CALN1: variants seen among roughly 807,000 people sequenced by gnomAD.
CALN1 encodes the protein calneuron 1, also known as calcium-binding protein 8.
In CALN1, 17 loss-of-function variants were observed where a neutral mutation model predicts 30.6. The observed-to-expected ratio is 0.56, with a 90% CI of 0.38 to 0.83. The LOEUF (loss-of-function observed/expected upper bound fraction) is 0.83. Ranked by LOEUF, CALN1 falls within the 40% of genes least tolerant of loss-of-function variation. The probability of loss-of-function intolerance (pLI) is 0.00; values close to 1 mark genes in which losing one functional copy is unlikely to be tolerated. For missense variants in CALN1, 291 were observed against 354.9 expected, an observed-to-expected ratio of 0.82 and a Z score of 1.45; for synonymous variants, 156 against 131.4, an observed-to-expected ratio of 1.19 and a Z score of -1.28.
intron 4 of CALN1, among the ~76,000 whole-genome samples, chr7:72,035,841 C>T (rs1171443105): frequency 2.0e-5 from 3 of 152,178 alleles, no homozygotes; most frequent in Non-Finnish European, 2.9e-5. Context: ...GCATTAATGT[C>T]TTAAATTATG....
intron 3 of CALN1, among the ~76,000 whole-genome samples, chr7:72,190,310 C>T (rs1170421314): frequency 1.3e-5 from 2 of 152,176 alleles, no homozygotes; most frequent in South Asian, 2.1e-4. Context: ...GAGATTGCAC[C>T]GCTGCACTCC....
chr7:71,976,102 T>A (rs1798090070), intron 5 of CALN1, among the ~76,000 whole-genome samples: 1 of 151,942 alleles, frequency 6.6e-6, no homozygotes, highest in African/African-American at 2.4e-5. Context: ...CAAACATTTA[T>A]TTCTGGTCAC....
intron 5 of CALN1, among the ~76,000 whole-genome samples, chr7:71,833,962 G>A (rs1481207925): frequency 2.0e-5 from 3 of 151,926 alleles, no homozygotes; most frequent in South Asian, 4.1e-4. Flanking sequence ...AGTGGCTCAC[G>A]CCTGTAATCC....
At chr7:72,092,575 C>CTA (rs564923865) in intron 4 of CALN1, among the ~76,000 whole-genome samples, 191 of 136,632 alleles carry the variant, frequency 1.4e-3, no homozygotes, top group Non-Finnish European at 2.2e-3. Context: ...CATGGTACTT[C>CTA]TAAGAACTTG....
intron 3 of CALN1, among the ~76,000 whole-genome samples, chr7:72,251,279 T>C (rs1259921503): frequency 1.3e-5 from 2 of 152,220 alleles, no homozygotes; most frequent in South Asian, 2.1e-4. Flanking sequence ...ATTTTTTTCA[T>C]TCTGCCCTTT....
chr7:72,001,679 A>C (rs1457529699), intron 5 of CALN1, among the ~76,000 whole-genome samples: 1 of 152,112 alleles, frequency 6.6e-6, no homozygotes, highest in East Asian at 1.9e-4. Context: ...TGTTTAATAA[A>C]CTTTCACTCC....
At chr7:72,356,885 T>C (rs557026016) in intron 2 of CALN1, among the ~76,000 whole-genome samples, 15 of 152,144 alleles carry the variant, frequency 9.9e-5, no homozygotes, top group Middle Eastern at 6.8e-3. Flanking sequence ...GTGAGAAAGC[T>C]TAGAGCAATA....
chr7:72,418,065 A>G (rs1420429840), intron 1 of CALN1, among the ~76,000 whole-genome samples: 1 of 152,180 alleles, frequency 6.6e-6, no homozygotes, highest in African/African-American at 2.4e-5. Context: ...CCCATCATCC[A>G]GGTAGCAAGC....
chr7:72,243,365 C>G (rs796377224), intron 3 of CALN1, among the ~76,000 whole-genome samples: 14 of 152,358 alleles, frequency 9.2e-5, no homozygotes, highest in African/African-American at 3.1e-4. Flanking sequence ...AGCCACCCAA[C>G]TGATGGCATT....
the CALN1 span, among the ~76,000 whole-genome samples, chr7:72,462,620 G>C: frequency 6.6e-6 from 1 of 152,236 alleles, no homozygotes; most frequent in African/African-American, 2.4e-5. Flanking sequence ...CAATGACAAA[G>C]GAGTGCAGCT....
chr7:72,166,387 A>G (rs1197814034), intron 3 of CALN1, among the ~76,000 whole-genome samples: 1 of 152,080 alleles, frequency 6.6e-6, no homozygotes, highest in Non-Finnish European at 1.5e-5. Context: ...GTGTCTTGCA[A>G]CGGTGTTGCC....
chr7:72,195,132 C>T (rs1038011972), intron 3 of CALN1, among the ~76,000 whole-genome samples: 1 of 152,172 alleles, frequency 6.6e-6, no homozygotes, highest in Admixed American at 6.5e-5. Flanking sequence ...TGCATCAGCT[C>T]AGACTCACAC....
intron 5 of CALN1, among the ~76,000 whole-genome samples, chr7:71,895,485 T>A (rs1383849887): frequency 6.6e-6 from 1 of 152,170 alleles, no homozygotes; most frequent in Non-Finnish European, 1.5e-5. Flanking sequence ...TCGACAAGAG[T>A]GACATGACTC....
At chr7:72,203,267 G>C (rs1400654886) in intron 3 of CALN1, among the ~76,000 whole-genome samples, 2 of 152,074 alleles carry the variant, frequency 1.3e-5, no homozygotes, top group Non-Finnish European at 2.9e-5. Context: ...ATGGGTTGAT[G>C]AGTGCAGCAA....
chr7:72,362,393 A>G (rs1325655799), intron 2 of CALN1, among the ~76,000 whole-genome samples: 1 of 152,140 alleles, frequency 6.6e-6, no homozygotes, highest in Non-Finnish European at 1.5e-5. Context: ...CATGGCCAAC[A>G]GAGCACTCTA....
chr7:72,050,087 G>A lies in CALN1; in HGVS notation c.389-26318C>T. Reference sequence around the variant, plus strand: ...TCCTGCCTCGGCCTCCCAAAGTGCTGGGGTTTCAGGCGTGAGGCCCCTCGC... The same window carrying A: ...TCCTGCCTCGGCCTCCCAAAGTGCTAGGGTTTCAGGCGTGAGGCCCCTCGC... On this transcript the variant is annotated intron_variant, in intron 4 of 6. Transcript: ENST00000395275. Among the ~76,000 whole-genome samples the A allele has an allele frequency of 1.3e-5, 2 of 151,964 alleles. 1 individual carries two copies. The highest frequency in any genetic ancestry group is 2.9e-5 in the Non-Finnish European group (2 of 68,000).
At chr7:72,413,340 CACAT>C (rs1035118049), upstream of CALN1, among the ~76,000 whole-genome samples, 4 of 151,620 alleles carry the variant, frequency 2.6e-5, no homozygotes, top group African/African-American at 9.7e-5. Context: ...CTCACATCCA[CACAT>C]ACATTTACAT....
chr7:72,311,840 G>A (rs1452327897), intron 2 of CALN1, among the ~76,000 whole-genome samples: 2 of 151,786 alleles, frequency 1.3e-5, no homozygotes, highest in Non-Finnish European at 2.9e-5. Flanking sequence ...TCTGTGAAGG[G>A]TTTGAATGCC....
intron 5 of CALN1, among the ~76,000 whole-genome samples, chr7:72,018,722 C>T (rs1030368269): frequency 1.9e-4 from 29 of 152,280 alleles, no homozygotes; most frequent in African/African-American, 7.0e-4. Flanking sequence ...ATAACTTTTG[C>T]GACTAGTACC....
Sources: gnomAD v4.1 joint callset for allele counts (sites outside exome capture counted in the v4.1 genomes callset) on GRCh38, gnomAD v4.1.1 for gene constraint, MANE v1.5 for transcripts, NCBI Gene and HGNC (gene_info 2026-07-23, HGNC 2026-07-21) for gene names.